Variants in DIPK1A observed in about 807,000 individuals in gnomAD.
The protein encoded by DIPK1A is divergent protein kinase domain 1A.
DIPK1A carries 27 observed loss-of-function variants against 40.8 expected under a neutral mutation model. The ratio of observed to expected loss-of-function variants is 0.66; its 90% CI spans 0.49 to 0.91. DIPK1A has a LOEUF of 0.91. Among genes scored for constraint, DIPK1A ranks in the 40% least tolerant of loss-of-function variants. DIPK1A has a pLI of 0.00. For missense variants in DIPK1A, 412 were observed against 505.7 expected (o/e 0.81, Z 1.78); for synonymous variants, 166 against 171.3 (o/e 0.97, Z 0.24).
chr1:92,874,524 ATATTT>A (rs975067572), intron 2 of DIPK1A, among the ~76,000 whole-genome samples: 1 of 152,234 alleles, frequency 6.6e-6, no homozygotes, highest in Non-Finnish European at 1.5e-5. Context: ...GACCAGGGAC[ATATTT>A]TATCCATGGA....
At chr1:92,896,006 G>C (rs1166770962) in intron 1 of DIPK1A, among the ~76,000 whole-genome samples, 1 of 152,024 alleles carries the variant, frequency 6.6e-6, no homozygotes, top group Admixed American at 6.6e-5. Context: ...AATAAAAGAG[G>C]ATACAAACAA....
At chr1:92,890,629 G>A (rs1483093977) in intron 1 of DIPK1A, among the ~76,000 whole-genome samples, 1 of 152,150 alleles carries the variant, frequency 6.6e-6, no homozygotes, top group Non-Finnish European at 1.5e-5. Flanking sequence ...ACTGATTTGT[G>A]TACGTTGACC....
intron 2 of DIPK1A, among the ~76,000 whole-genome samples, chr1:92,851,580 A>G (rs976200887): frequency 7.5e-6 from 1 of 133,654 alleles, no homozygotes; most frequent in African/African-American, 2.7e-5. Context: ...TTTTAAAATA[A>G]ATAAAGTTTA....
intron 1 of DIPK1A, among the ~76,000 whole-genome samples, chr1:92,876,728 C>G (rs531544315): frequency 5.3e-5 from 8 of 152,214 alleles, no homozygotes; most frequent in Non-Finnish European, 4.4e-5. Context: ...ACCATGCTAC[C>G]CTGGGCACCT....
At chr1:92,912,255 T>A (rs886836339) in intron 1 of DIPK1A, among the ~76,000 whole-genome samples, 1 of 152,144 alleles carries the variant, frequency 6.6e-6, no homozygotes, top group East Asian at 1.9e-4. Context: ...AGTGGACTTG[T>A]TACGAGAATG....
At chr1:92,929,666 T>C (rs533751899) in intron 1 of DIPK1A, among the ~76,000 whole-genome samples, 41 of 152,340 alleles carry the variant, frequency 2.7e-4, no homozygotes, top group African/African-American at 9.9e-4. Context: ...GTTTACAATA[T>C]ATAAATACAT....
chr1:92,883,643 ATTC>A (rs1648479335), intron 1 of DIPK1A, among the ~76,000 whole-genome samples: 1 of 152,178 alleles, frequency 6.6e-6, no homozygotes, highest in African/African-American at 2.4e-5. Flanking sequence ...GCTAGCTGGG[ATTC>A]TTCAAAGTTT....
intron 1 of DIPK1A, among the ~76,000 whole-genome samples, chr1:92,961,158 C>A (rs574571084): frequency 1.4e-5 from 2 of 145,974 alleles, no homozygotes; most frequent in South Asian, 4.6e-4. Flanking sequence ...CGGCTGGCCG[C>A]GGCGCGGGAG....
At chr1:92,961,308 CT>C in intron 1 of DIPK1A, 67 bp downstream of exon 1, 1 of 1,243,210 alleles carries the variant, frequency 8.0e-7, no homozygotes, top group Non-Finnish European at 1.1e-6. Context: ...CGGGCGAGTC[CT>C]GCGCGGCGCG....
At chr1:92,833,025 G>A in exon 5 of DIPK1A, 1 of 741,648 alleles carries the variant, frequency 1.3e-6, no homozygotes, top group South Asian at 1.4e-5. Context: ...CACAATTACC[G>A]GTGCTGGTCC....
At chr1:92,906,283 G>T (rs1221930617) in intron 1 of DIPK1A, among the ~76,000 whole-genome samples, 1 of 152,068 alleles carries the variant, frequency 6.6e-6, no homozygotes, top group Non-Finnish European at 1.5e-5. Flanking sequence ...GGCCATATCT[G>T]CAAAGAAATA....
At chr1:92,855,256 G>A (rs1687945299) in intron 2 of DIPK1A, among the ~76,000 whole-genome samples, 1 of 152,130 alleles carries the variant, frequency 6.6e-6, no homozygotes, top group African/African-American at 2.4e-5. Context: ...CAAAACTTGT[G>A]GGAGGCAGCC....
intron 1 of DIPK1A, among the ~76,000 whole-genome samples, chr1:92,913,118 C>T (rs1332897446): frequency 3.3e-5 from 5 of 152,048 alleles, no homozygotes; most frequent in Admixed American, 1.3e-4. Flanking sequence ...CAGAGTTAAT[C>T]AGGCCATTAT....
At chr1:92,873,367 C>G (rs1043173086) in intron 2 of DIPK1A, among the ~76,000 whole-genome samples, 1 of 152,190 alleles carries the variant, frequency 6.6e-6, no homozygotes, top group African/African-American at 2.4e-5. Flanking sequence ...GTAATCCCAG[C>G]ACTTTGGGAG....
exon 5 of DIPK1A, chr1:92,832,989 T>G: frequency 1.4e-6 from 1 of 734,660 alleles, no homozygotes; most frequent in Non-Finnish European, 2.5e-6. Context: ...GATTGCTGTC[T>G]GGAGCAGTGC....
chr1:92,847,427 A>AT, intron 3 of DIPK1A, 68 bp from the exon 4 acceptor site: 11 of 1,015,132 alleles, frequency 1.1e-5, no homozygotes, highest in Non-Finnish European at 1.4e-5. Flanking sequence ...ATACTACTAT[A>AT]TTTTTAGGGT....
chr1:92,956,709 G>A (rs1369763559), intron 1 of DIPK1A, among the ~76,000 whole-genome samples: 1 of 152,150 alleles, frequency 6.6e-6, no homozygotes, highest in East Asian at 1.9e-4. Context: ...ACCATCCACA[G>A]CAGTCATGTT....
intron 1 of DIPK1A, among the ~76,000 whole-genome samples, chr1:92,886,985 G>C (rs942776129): frequency 1.3e-5 from 2 of 151,954 alleles, no homozygotes; most frequent in Non-Finnish European, 2.9e-5. Context: ...TACCGAAATA[G>C]TTTGCTGACC....
Position 92,842,360 on chromosome 1 carries a change from C to T in DIPK1A, c.*1023G>A, listed in dbSNP as rs572659418. 2 of 985,112 alleles carry T rather than the reference C, an allele frequency of 2.0e-6. No homozygotes were observed. Among genetic ancestry groups the T allele is most frequent in the African/African-American group, 1.7e-5 (1 of 57,302 alleles). 61.0% of individuals were successfully genotyped at this position (985,112 alleles called of 1,614,324 possible). A position where few individuals can be genotyped will look rare whatever the true frequency, so the allele number is the denominator to read the frequency against. ...GAGCAGAAAATAGTGGTTCTTTTCT[C>T]CAAAAGGTGTTTAATTTTATGGAGA... On this transcript the variant is annotated 3_prime_UTR_variant, in exon 5 of 5. Transcript: ENST00000370310.
Sources: gnomAD v4.1 joint callset for allele counts (sites outside exome capture counted in the v4.1 genomes callset) on GRCh38, gnomAD v4.1.1 for gene constraint, MANE v1.5 for transcripts, NCBI Gene and HGNC (gene_info 2026-07-23, HGNC 2026-07-21) for gene names.